Variants in DARS1 observed in about 807,000 individuals in gnomAD.
DARS1 encodes aspartate--tRNA ligase, cytoplasmic.
In DARS1, 51 loss-of-function variants were observed where a neutral mutation model predicts 68.8. That is an observed-to-expected ratio of 0.74 (90% confidence interval 0.59 to 0.94). The LOEUF (loss-of-function observed/expected upper bound fraction) is 0.94, where lower values mean the gene tolerates loss of function less well. DARS1 is among the 40% of genes least tolerant of loss of function. The pLI is 0.00. For missense variants in DARS1, 607 were observed against 597.3 expected (o/e 1.02, Z -0.17); for synonymous variants, 203 against 190.4 (o/e 1.07, Z -0.55).
In DARS1 at chr2:135,924,494, G is replaced by A. The variant is rs1026979883; in HGVS notation, c.569C>T (p.Ser190Leu). ...GAGACGGAAGACTGCCTGACTAGTT[G>A]ATGTCTAGAAGACAGTAATAAAATC... ...LDNRVIDLRT[S>L]TSQAVFRLQS... Residue 190 changes from serine (S) to leucine (L), a missense_variant, in exon 8 of 16, where the codon TCA becomes TTA. By Grantham distance (145) the Ser-to-Leu change is moderately radical (BLOSUM62 -2). Transcript: ENST00000264161. 6.2e-7 allele frequency: 1 copy of A among 1,605,872 alleles called. No homozygotes were observed. Among genetic ancestry groups the A allele is most frequent in the Non-Finnish European group, 8.5e-7 (1 of 1,177,528 alleles).
chr2:135,956,509 A>G (rs1336296612), intron 4 of DARS1, among the ~76,000 whole-genome samples: 5 of 152,200 alleles, frequency 3.3e-5, no homozygotes, highest in Non-Finnish European at 7.4e-5. Context: ...CAGGGGTTAT[A>G]GTTAAAGCAA....
chr2:135,980,328 A>G (rs1372082416), intron 2 of DARS1: 1 of 152,244 alleles, frequency 6.6e-6, no homozygotes, highest in East Asian at 1.9e-4. Context: ...AGAGAAAAAC[A>G]TTTAAGTATT....
chr2:135,916,495 C>T, intron 10 of DARS1, 123 bp from the exon 11 acceptor site: 1 of 467,834 alleles, frequency 2.1e-6, no homozygotes, highest in Middle Eastern at 5.0e-4. Flanking sequence ...AAAGCATTAT[C>T]AAATTATTAA....
chr2:135,932,716 G>T, intron 7 of DARS1, 67 bp downstream of exon 7: 1 of 810,716 alleles, frequency 1.2e-6, no homozygotes, highest in Non-Finnish European at 2.1e-6. Flanking sequence ...GCCTGAGACA[G>T]GTATGGTATC....
At chr2:135,959,552 G>A (rs1682057099) in intron 4 of DARS1, among the ~76,000 whole-genome samples, 1 of 151,844 alleles carries the variant, frequency 6.6e-6, no homozygotes, top group Non-Finnish European at 1.5e-5. Context: ...CCATTTGAAA[G>A]TAGCTCTTTT....
At position 135,907,242 on chromosome 2, in the gene DARS1, C is replaced by CTTTTTTTTTTTTTTTTTTTTTTT. The variant is rs992435404; in HGVS notation, c.*73_*74insAAAAAAAAAAAAAAAAAAAAAAA. ...TACTGAAAAGAATAAGTGTGGCTTT[C>CTTTTTTTTTTTTTTTTTTTTTTT]TTTTTTTTTTTTTTTTTTTGAGGCA... is the stretch of plus-strand genomic sequence containing the variant. On this transcript the variant is annotated 3_prime_UTR_variant, in exon 16 of 16. Transcript: ENST00000264161. The CTTTTTTTTTTTTTTTTTTTTTTT allele has an allele frequency of 5.1e-5, 23 of 453,710 alleles. 3 individuals are homozygous for CTTTTTTTTTTTTTTTTTTTTTTT. The highest frequency in any genetic ancestry group is 4.0e-4 in the African/African-American group (14 of 35,344). 28.1% of individuals were successfully genotyped at this position (453,710 alleles called of 1,614,324 possible).
rs992435404 is a variant in DARS1, at chr2:135,907,242, C to CTTTTTTTTTTTTTTTTTTTTTTTT, written c.*73_*74insAAAAAAAAAAAAAAAAAAAAAAAA. On this transcript the variant is annotated 3_prime_UTR_variant, in exon 16 of 16. Transcript: ENST00000264161. ...TACTGAAAAGAATAAGTGTGGCTTT[C>CTTTTTTTTTTTTTTTTTTTTTTTT]TTTTTTTTTTTTTTTTTTTGAGGCA... The CTTTTTTTTTTTTTTTTTTTTTTTT allele has an allele frequency of 5.1e-5, 23 of 453,714 alleles. 6 individuals are homozygous for CTTTTTTTTTTTTTTTTTTTTTTTT. The African/African-American group carries it at 5.7e-4, about 11-fold the overall frequency. The allele number at this position is 453,714 out of a possible 1,614,324, so 28.1% of individuals were successfully genotyped here.
chr2:135,955,898 A>C (rs1325273932), intron 4 of DARS1, among the ~76,000 whole-genome samples: 1 of 151,980 alleles, frequency 6.6e-6, no homozygotes. Context: ...GGCTCAAGTG[A>C]TCTGCCTGCT....
chr2:135,909,573 T>C (rs1003048208), intron 15 of DARS1, among the ~76,000 whole-genome samples: 1 of 152,200 alleles, frequency 6.6e-6, no homozygotes, highest in East Asian at 1.9e-4. Context: ...TCAATCTTTA[T>C]ACCCTTTGAC....
At chr2:135,941,896 C>T (rs1681606617) in intron 5 of DARS1, among the ~76,000 whole-genome samples, 1 of 152,130 alleles carries the variant, frequency 6.6e-6, no homozygotes, top group Admixed American at 6.5e-5. Context: ...CCAAAAGACA[C>T]ATGAAAAAAT....
Position 135,981,166 on chromosome 2 carries a change from C to T in DARS1, c.125-1800G>A, listed in dbSNP as rs564544246. 3.3e-5 allele frequency among the ~76,000 whole-genome samples: 5 copies of T among 152,300 alleles called. No individual in the cohort carries two copies. In the East Asian group the frequency reaches 5.8e-4, roughly 18 times the overall value. ...TTATCTTTCTCTCTAAGTGGAAGAACGCAACTGTCTGTGGATTTGCCAGCA... is the reference window on the plus strand; with the variant it reads ...TTATCTTTCTCTCTAAGTGGAAGAATGCAACTGTCTGTGGATTTGCCAGCA... On this transcript the variant is annotated intron_variant, in intron 2 of 15. Transcript: ENST00000264161.
In DARS1 at chr2:135,912,570, TA is replaced by T; in HGVS notation, c.1150-5del. The T allele has an allele frequency of 1.2e-6, 1 of 817,850 alleles. No individual in the cohort carries two copies. The highest frequency in any genetic ancestry group is 1.6e-5 in the South Asian group (1 of 63,888). The allele number at this position is 817,850 out of a possible 1,614,324, so 50.7% of individuals were successfully genotyped here. A position where few individuals can be genotyped will look rare whatever the true frequency, so the allele number is the denominator to read the frequency against. ...GAATATAAAAATCTGTATCATACTATAAAAAGAATAAATGCAATTAAAATAC... is the reference window on the plus strand; with the variant it reads ...GAATATAAAAATCTGTATCATACTATAAAAGAATAAATGCAATTAAAATAC... On this transcript the variant is annotated splice_region_variant and splice_polypyrimidine_tract_variant and intron_variant, in intron 12 of 15. Coordinates refer to ENST00000264161, the MANE Select transcript of DARS1 (RefSeq NM_001349.4).
chr2:135,933,967 T>C lies in DARS1; in HGVS notation c.447A>G (p.Glu149=). The change falls in exon 6 of 16, where the codon GAA becomes GAG. Residue 149 remains glutamate, a synonymous_variant. Transcript: ENST00000264161. ...CATCCAGCTGCAGGGGCAGACGGGG[T>C]TCAGCCAAACTGATCACATAAATCT... ...VQKIYVISLA[E]PRLPLQLDDA... is the part of the protein sequence containing the mutation. 1 of 1,613,670 alleles carries C rather than the reference T, an allele frequency of 6.2e-7. No individual in the cohort carries two copies. Among genetic ancestry groups the C allele is most frequent in the East Asian group, 2.2e-5 (1 of 44,870 alleles).
At chr2:135,961,177 A>G (rs1415723783) in intron 4 of DARS1, among the ~76,000 whole-genome samples, 2 of 152,196 alleles carry the variant, frequency 1.3e-5, no homozygotes, top group Non-Finnish European at 2.9e-5. Context: ...GTCTGTAGAG[A>G]GTGCTGCTTC....
intron 3 of DARS1, among the ~76,000 whole-genome samples, chr2:135,977,562 GGA>G (rs1025774031): frequency 6.6e-6 from 1 of 152,164 alleles, no homozygotes; most frequent in Non-Finnish European, 1.5e-5. Context: ...CAGTATAACG[GGA>G]GAGAGACGAG....
chr2:135,916,934 C>T (rs1376130519), intron 10 of DARS1, among the ~76,000 whole-genome samples: 2 of 152,134 alleles, frequency 1.3e-5, no homozygotes, highest in Non-Finnish European at 2.9e-5. Context: ...CAGTGGCTCA[C>T]ACCTGTAATC....
intron 3 of DARS1, among the ~76,000 whole-genome samples, chr2:135,963,374 CTT>C (rs111533002): frequency 1.2e-4 from 17 of 143,678 alleles, no homozygotes; most frequent in African/African-American, 2.5e-4. Context: ...CTATTAATGA[CTT>C]TTTTTTTTTT....
At chr2:135,916,201 T>TAA in intron 11 of DARS1, 25 bp downstream of exon 11, 1 of 1,418,850 alleles carries the variant, frequency 7.0e-7, no homozygotes, top group Non-Finnish European at 9.9e-7. Context: ...GAACTTAAAG[T>TAA]AAAAAAAAAG....
rs140151841 is a variant in DARS1, at chr2:135,944,047, C to CTA, written c.321-569_321-568dup. 7.7e-3 allele frequency among the ~76,000 whole-genome samples: 1,171 copies of CTA among 152,184 alleles called. 11 individuals carry two copies. The highest frequency in any genetic ancestry group is 0.027 in the African/African-American group (1,106 of 41,538). ...TGTGTACTCCCATTTAAAAGGGTGC[C>CTA]TATATGAAGTTTAATATATGATGAG... On this transcript the variant is annotated intron_variant, in intron 4 of 15. Transcript: ENST00000264161.
Sources: allele counts gnomAD v4.1 joint callset (sites outside exome capture counted in the v4.1 genomes callset), GRCh38; gene constraint gnomAD v4.1.1; transcripts MANE v1.5; gene names NCBI Gene and HGNC (gene_info 2026-07-23, HGNC 2026-07-21).